UBOX5: variants seen among roughly 807,000 people sequenced by gnomAD.
The protein encoded by UBOX5 is RING finger protein 37.
Under a neutral mutation model 39.0 loss-of-function variants are expected in UBOX5, and 28 were observed. The ratio of observed to expected loss-of-function variants is 0.72; its 90% confidence interval spans 0.53 to 0.98. UBOX5 has a LOEUF of 0.98. UBOX5 is among the 50% of genes least tolerant of loss of function. UBOX5 has a pLI of 0.00. For synonymous variants in UBOX5, 283 were observed against 275.5 expected, an observed-to-expected ratio of 1.03 and a Z score of -0.27; for missense variants, 585 against 674.4, an observed-to-expected ratio of 0.87 and a Z score of 1.47.
At chr20:3,142,566 T>C (rs1382963382) in intron 1 of UBOX5, among the ~76,000 whole-genome samples, 1 of 139,248 alleles carries the variant, frequency 7.2e-6, no homozygotes, top group South Asian at 2.2e-4. Flanking sequence ...ATCGTGCTAC[T>C]ACACTCCAGC....
In UBOX5 at chr20:3,121,921, G is replaced by A; in HGVS notation, c.718C>T (p.Pro240Ser). The A allele has an allele frequency of 6.2e-7, 1 of 1,613,830 alleles. No individual in the cohort carries two copies. Among genetic ancestry groups the A allele is most frequent in the Non-Finnish European group, 8.5e-7 (1 of 1,180,034 alleles). ...MESDCDPGDQ[P>S]ESQQAPSSLQ... is the part of the protein sequence containing the mutation. ...CTGGAGGGAGCCTGCTGGCTCTCAGGCTGGTCCCCAGGGTCACAGTCACTT... is the reference window on the plus strand; with the variant it reads ...CTGGAGGGAGCCTGCTGGCTCTCAGACTGGTCCCCAGGGTCACAGTCACTT... Residue 240 changes from proline (P) to serine (S), a missense_variant, in exon 3 of 5, where the codon CCT (proline) becomes TCT (serine). Transcript: ENST00000217173.
At chr20:3,115,753 C>CTTTTTTTTTTTTTTTTTT (rs11481933) in intron 3 of UBOX5, among the ~76,000 whole-genome samples, 1 of 87,938 alleles carries the variant, frequency 1.1e-5, no homozygotes, top group Non-Finnish European at 2.1e-5. Context: ...CTGCACGCTC[C>CTTTTTTTTTTTTTTTTTT]TTTTTTTTTT....
Position 3,149,213 on chromosome 20 carries a change from A to G in UBOX5, c.-42+10553T>C. On this transcript the variant is annotated intron_variant, in intron 1 of 4. Transcript: ENST00000217173. This position sits in a 1 kb window ranked among gnomAD's most constrained non-coding sequence, Gnocchi z 4.1. ...ACTGCCTGGAAATCTTCAGCATATC[A>G]CAAGAGCCAGGGATCACAAATGACT... 1.2e-6 allele frequency: 1 copy of G among 822,418 alleles called. No individual in the cohort carries two copies. The highest frequency in any genetic ancestry group is 1.9e-6 in the Non-Finnish European group (1 of 530,776). The allele number at this position is 822,418 out of a possible 1,614,324, so 50.9% of individuals were successfully genotyped here.
Position 3,121,884 on chromosome 20 carries a change from A to T in UBOX5, c.755T>A (p.Leu252Gln), listed in dbSNP as rs753250051. 1 of 1,613,972 alleles carries T rather than the reference A, an allele frequency of 6.2e-7. No individual in the cohort carries two copies. The highest frequency in any genetic ancestry group is 8.5e-7 in the Non-Finnish European group (1 of 1,180,014). Residue 252 changes from leucine to glutamine, a missense_variant, in exon 3 of 5, where the codon CTG becomes CAG. Transcript: ENST00000217173. ...SQQAPSSLQK[L>Q]AEIIQDVPEE... ...AGGCACATCCTGAATGATCTCGGCCAGCTTCTGCAGGCTGGAGGGAGCCTG... is the reference window on the plus strand; with the variant it reads ...AGGCACATCCTGAATGATCTCGGCCTGCTTCTGCAGGCTGGAGGGAGCCTG...
At chr20:3,146,555 T>C in intron 1 of UBOX5, 1 of 514,098 alleles carries the variant, frequency 1.9e-6, no homozygotes. Flanking sequence ...TGTTTATTAT[T>C]TACTAAGAGT....
chr20:3,121,476 C>T lies in UBOX5; in HGVS notation c.1163G>A (p.Ser388Asn). 2 of 1,614,038 alleles carry T rather than the reference C, an allele frequency of 1.2e-6. No homozygotes were observed. The highest frequency in any genetic ancestry group is 1.7e-6 in the Non-Finnish European group (2 of 1,180,018). ...GVNASCFSAT[S>N]PLVLPTTSEH... ...TGAGGTAGTGGGTAAGACCAAAGGG[C>T]TTGTGGCAGAAAAACAGGAAGCATT... The change falls in exon 3 of 5, where the codon AGC (serine) becomes AAC (asparagine). Residue 388 changes from serine (S) to asparagine (N), a missense_variant. Physicochemically the swap from Ser to Asn is conservative, Grantham distance 46 (BLOSUM62 1). Coordinates refer to ENST00000217173, the MANE Select transcript of UBOX5 (RefSeq NM_014948.4).
Position 3,148,258 on chromosome 20 carries a change from C to T in UBOX5, c.-42+11508G>A, listed in dbSNP as rs775014204. ...GAGACAAGGATAGATCCTTCCAGTG[C>T]AAATTAAGATAACTAGAAAAAATGT... is the stretch of plus-strand genomic sequence containing the variant. On this transcript the variant is annotated intron_variant, in intron 1 of 4. Transcript: ENST00000217173. 1.9e-6 allele frequency: 3 copies of T among 1,612,214 alleles called. No individual in the cohort carries two copies. The Admixed American group carries it at 5.0e-5, about 27-fold the overall frequency.
At chr20:3,150,567 A>C (rs1213192155) in intron 1 of UBOX5, 1 of 152,250 alleles carries the variant, frequency 6.6e-6, no homozygotes. Context: ...AGACCCAAGG[A>C]GACCTGAGTT....
intron 1 of UBOX5, among the ~76,000 whole-genome samples, chr20:3,135,631 GTAGAA>G (rs1235452823): frequency 6.6e-6 from 1 of 151,636 alleles, no homozygotes; most frequent in African/African-American, 2.4e-5. Context: ...TAAAAATTAA[GTAGAA>G]TAGAAAATGT....
At chr20:3,127,367 T>C (rs2066399162) in intron 1 of UBOX5, among the ~76,000 whole-genome samples, 1 of 152,248 alleles carries the variant, frequency 6.6e-6, no homozygotes, top group Non-Finnish European at 1.5e-5. Context: ...GGATAGTTGC[T>C]GCACAGTGAA....
At chr20:3,145,515 C>T (rs1488875083) in intron 1 of UBOX5, among the ~76,000 whole-genome samples, 2 of 150,804 alleles carry the variant, frequency 1.3e-5, no homozygotes, top group Non-Finnish European at 2.9e-5. Context: ...TCTCAGCTCA[C>T]TGCAGCCTCA....
intron 3 of UBOX5, 74 bp downstream of exon 3, chr20:3,121,310 A>G (rs1260593775): frequency 2.6e-6 from 4 of 1,533,046 alleles, no homozygotes; most frequent in Non-Finnish European, 3.5e-6. Flanking sequence ...AGCACAAAGC[A>G]AAGGGCAGCA....
chr20:3,122,597 A>G lies in UBOX5; in HGVS notation c.55-13T>C. 1 of 1,546,574 alleles carries G rather than the reference A, an allele frequency of 6.5e-7. No individual in the cohort carries two copies. The highest frequency in any genetic ancestry group is 8.7e-7 in the Non-Finnish European group (1 of 1,147,274). ...CATCAGCTGATATCTAGATTTAATAAAAAACACAAGATACAATGATCCAAA... is the reference window on the plus strand; with the variant it reads ...CATCAGCTGATATCTAGATTTAATAGAAAACACAAGATACAATGATCCAAA... On this transcript the variant is annotated splice_polypyrimidine_tract_variant and intron_variant, in intron 2 of 4. Transcript: ENST00000217173.
chr20:3,158,770 G>A (rs769316070), intron 1 of UBOX5, among the ~76,000 whole-genome samples: 11 of 152,210 alleles, frequency 7.2e-5, no homozygotes, highest in Non-Finnish European at 1.0e-4. Context: ...CACTGTGTCC[G>A]GCCCAGATTT....
At position 3,121,964 on chromosome 20, in the gene UBOX5, A is replaced by G. The variant is rs141492603; in HGVS notation, c.675T>C (p.Ala225=). 7.8e-4 allele frequency: 1,258 copies of G among 1,613,960 alleles called. 17 individuals are homozygous for G. The East Asian group carries it at 0.024, about 31-fold the overall frequency. The change falls in exon 3 of 5, where the codon GCT becomes GCC. Residue 225 remains alanine (A), a synonymous_variant. Coordinates refer to ENST00000217173, the MANE Select transcript of UBOX5 (RefSeq NM_014948.4). Reference sequence around the variant, plus strand: ...AGTCACTTTCCATGGGCAAGGCTGGAGCCTGCAGAGCCACATCCTGAGGCA... The same window carrying G: ...AGTCACTTTCCATGGGCAAGGCTGGGGCCTGCAGAGCCACATCCTGAGGCA... The part of the protein sequence containing the change: ...ENLPQDVALQ[A]PALPMESDCD...
intron 4 of UBOX5, among the ~76,000 whole-genome samples, chr20:3,112,519 CAGAG>C (rs770483099): frequency 2.0e-5 from 3 of 151,362 alleles, no homozygotes; most frequent in African/African-American, 4.9e-5. Context: ...ACTGAGGTGA[CAGAG>C]AGGATAAAAA....
chr20:3,125,300 C>T (rs1453052270), intron 1 of UBOX5, among the ~76,000 whole-genome samples: 4 of 125,710 alleles, frequency 3.2e-5, no homozygotes, highest in East Asian at 2.6e-4. Flanking sequence ...TCTGCCCAGC[C>T]GCCCATCATC....
intron 1 of UBOX5, among the ~76,000 whole-genome samples, chr20:3,128,729 A>G (rs971497525): frequency 3.3e-5 from 5 of 152,142 alleles, no homozygotes; most frequent in African/African-American, 1.2e-4. Flanking sequence ...TAGGTGTGGT[A>G]GCACACACCT....
rs375561121 is a variant in UBOX5, at chr20:3,119,844, G to A, written c.1255+1540C>T. On this transcript the variant is annotated intron_variant, in intron 3 of 4. Coordinates refer to ENST00000217173, the MANE Select transcript of UBOX5 (RefSeq NM_014948.4). ...ACTCCAGCCTGGGTAACAGAGTGAGGCTCCATCTCAACAACAACAAAAAAA... is the reference window on the plus strand; with the variant it reads ...ACTCCAGCCTGGGTAACAGAGTGAGACTCCATCTCAACAACAACAAAAAAA... Among the ~76,000 whole-genome samples the A allele has an allele frequency of 4.0e-5, 6 of 151,672 alleles. No individual in the cohort carries two copies. The East Asian group carries it at 7.8e-4, about 20-fold the overall frequency.
Sources: gnomAD v4.1 joint callset for allele counts (sites outside exome capture counted in the v4.1 genomes callset) on GRCh38, gnomAD v4.1.1 for gene constraint, Gnocchi (gnomAD v3.1) non-coding constraint, MANE v1.5 for transcripts, NCBI Gene and HGNC (gene_info 2026-07-23, HGNC 2026-07-21) for gene names.